Variants in SUSD5 observed in about 807,000 individuals in gnomAD.
SUSD5 encodes the protein sushi domain containing 5.
In SUSD5, 33 loss-of-function variants were observed where a neutral mutation model predicts 29.5. That is an observed-to-expected ratio of 1.12 (90% CI 0.85 to 1.49). The LOEUF (loss-of-function observed/expected upper bound fraction) is 1.49. Among genes scored for constraint, SUSD5 ranks in the 40% most tolerant of loss-of-function variants. SUSD5 has a pLI of 0.00. For synonymous variants in SUSD5, 308 were observed against 325.3 expected, an observed-to-expected ratio of 0.95 and a Z score of 0.57; for missense variants, 776 against 800.6, an observed-to-expected ratio of 0.97 and a Z score of 0.37.
intron 3 of SUSD5, among the ~76,000 whole-genome samples, chr3:33,181,509 A>T (rs1027582408): frequency 6.6e-6 from 1 of 151,876 alleles, no homozygotes; most frequent in Non-Finnish European, 1.5e-5. Flanking sequence ...TGTAGCTGAG[A>T]CCAAGAGCAC....
intron 2 of SUSD5, among the ~76,000 whole-genome samples, chr3:33,209,249 G>C (rs2032277863): frequency 6.6e-6 from 1 of 152,138 alleles, no homozygotes. Context: ...GTCTTACCAT[G>C]ATGTGCCTAG....
chr3:33,157,512 C>CA (rs2031081634), intron 4 of SUSD5, among the ~76,000 whole-genome samples: 3 of 152,164 alleles, frequency 2.0e-5, no homozygotes, highest in African/African-American at 7.2e-5. Flanking sequence ...TGCTTGTGCA[C>CA]ATGTGTGTAC....
intron 4 of SUSD5, among the ~76,000 whole-genome samples, chr3:33,157,052 G>A (rs1306441480): frequency 2.0e-5 from 3 of 152,190 alleles, no homozygotes; most frequent in Admixed American, 6.5e-5. Flanking sequence ...CCATTCTAAT[G>A]AGCCTTGTAG....
chr3:33,202,874 C>T, intron 3 of SUSD5, among the ~76,000 whole-genome samples: 1 of 149,876 alleles, frequency 6.7e-6, no homozygotes, highest in East Asian at 2.0e-4. Flanking sequence ...GCTGCCTGAA[C>T]ATTCCACAGG....
Position 33,218,695 on chromosome 3 carries a change from G to A in SUSD5, c.103C>T (p.Arg35Trp). 4 of 1,309,624 alleles carry A rather than the reference G, an allele frequency of 3.1e-6. No homozygotes were observed. The highest frequency in any genetic ancestry group is 1.5e-5 in the African/African-American group (1 of 64,936). 81.1% of individuals were successfully genotyped at this position (1,309,624 alleles called of 1,614,324 possible). The change falls in exon 1 of 5, where the codon CGG (arginine) becomes TGG (tryptophan). Residue 35 changes from arginine to tryptophan, a missense_variant. Physicochemically the swap from Arg to Trp is moderately radical, Grantham distance 101. Coordinates refer to ENST00000309558, the MANE Select transcript of SUSD5 (RefSeq NM_015551.2). Reference protein sequence around the residue: ...LLLGLPRLSVRADGKFFVLES... With the variant: ...LLLGLPRLSVWADGKFFVLES... Reference sequence around the variant, plus strand: ...CCTCCCGCACACTCACCATCCGCCCGCACCGAAAGGCGCGGCAGACCGAGC... The same window carrying A: ...CCTCCCGCACACTCACCATCCGCCCACACCGAAAGGCGCGGCAGACCGAGC...
chr3:33,184,848 T>C (rs1045115946), intron 3 of SUSD5, among the ~76,000 whole-genome samples: 2 of 152,244 alleles, frequency 1.3e-5, no homozygotes, highest in African/African-American at 2.4e-5. Context: ...ATAGTTATCA[T>C]AGCATTTTAA....
intron 3 of SUSD5, among the ~76,000 whole-genome samples, chr3:33,186,078 C>T (rs912065171): frequency 6.6e-6 from 1 of 152,178 alleles, no homozygotes; most frequent in Non-Finnish European, 1.5e-5. Flanking sequence ...CCAAGGCGGG[C>T]GGATCATGAG....
intron 1 of SUSD5, among the ~76,000 whole-genome samples, chr3:33,217,069 G>A (rs938106130): frequency 1.3e-5 from 2 of 152,116 alleles, no homozygotes; most frequent in Non-Finnish European, 2.9e-5. Flanking sequence ...AATTTTCTAT[G>A]ACCCGTATCA....
At chr3:33,184,454 G>A (rs1297224674) in intron 3 of SUSD5, among the ~76,000 whole-genome samples, 1 of 152,138 alleles carries the variant, frequency 6.6e-6, no homozygotes, top group African/African-American at 2.4e-5. Flanking sequence ...CCAGATCTGT[G>A]GTTGGTTGTC....
intron 3 of SUSD5, among the ~76,000 whole-genome samples, chr3:33,206,070 T>C (rs1192108637): frequency 6.6e-6 from 1 of 152,180 alleles, no homozygotes; most frequent in Non-Finnish European, 1.5e-5. Flanking sequence ...TGTTTATGTT[T>C]AGAATTTAAA....
intron 3 of SUSD5, among the ~76,000 whole-genome samples, chr3:33,205,558 T>C (rs879847518): frequency 7.2e-5 from 11 of 152,348 alleles, no homozygotes; most frequent in Non-Finnish European, 1.0e-4. Context: ...TTGACTTTGG[T>C]GTCCTATAGG....
chr3:33,181,651 G>A (rs1315921675), intron 3 of SUSD5, among the ~76,000 whole-genome samples: 1 of 152,110 alleles, frequency 6.6e-6, no homozygotes, highest in Non-Finnish European at 1.5e-5. Flanking sequence ...GGGATCACAG[G>A]CATGAGTTAC....
At position 33,174,868 on chromosome 3, in the gene SUSD5, C is replaced by G; in HGVS notation, c.598+18G>C. 5.6e-6 allele frequency: 9 copies of G among 1,611,508 alleles called. No individual in the cohort carries two copies. The highest frequency in any genetic ancestry group is 6.8e-6 in the Non-Finnish European group (8 of 1,178,006). On this transcript the variant is annotated intron_variant, in intron 4 of 4. Transcript: ENST00000309558. ...ACTGCGTGGGCACGCGAAGGTGGCC[C>G]ATCCCTGGGCTGCTTACCTTTCCCA...
At chr3:33,155,774 A>G (rs1287610192) in intron 4 of SUSD5, among the ~76,000 whole-genome samples, 1 of 152,228 alleles carries the variant, frequency 6.6e-6, no homozygotes, top group Admixed American at 6.5e-5. Flanking sequence ...GCCAGGCACA[A>G]AAGTGCACAC....
intron 3 of SUSD5, among the ~76,000 whole-genome samples, chr3:33,183,115 T>G (rs576619452): frequency 5.3e-5 from 8 of 152,224 alleles, no homozygotes; most frequent in Non-Finnish European, 1.0e-4. Context: ...TTTATCTATA[T>G]GTGTCTTTAT....
chr3:33,189,409 G>A (rs1329301735), intron 3 of SUSD5, among the ~76,000 whole-genome samples: 1 of 151,042 alleles, frequency 6.6e-6, no homozygotes, highest in African/African-American at 2.4e-5. Context: ...CCCGGGAGGC[G>A]GAGGTTGCAG....
rs961029827 is a variant in SUSD5, at chr3:33,189,528, C to T, written c.410-14454G>A. Among the ~76,000 whole-genome samples the T allele has an allele frequency of 3.0e-4, 44 of 149,062 alleles. 1 individual carries two copies. Among genetic ancestry groups the T allele is most frequent in the Non-Finnish European group, 1.9e-4 (13 of 67,486 alleles). On this transcript the variant is annotated intron_variant, in intron 3 of 4. Transcript: ENST00000309558. ...ATTCTAGAATGAAATGATATAATGT[C>T]CTGGATTTGCTTTAAAATATCTCAA...
At chr3:33,193,307 G>C (rs2031933799) in intron 3 of SUSD5, among the ~76,000 whole-genome samples, 1 of 152,202 alleles carries the variant, frequency 6.6e-6, no homozygotes. Flanking sequence ...CTGGAGACTG[G>C]AGGACCAGTG....
At chr3:33,184,144 T>C (rs767317083) in intron 3 of SUSD5, among the ~76,000 whole-genome samples, 62 of 151,910 alleles carry the variant, frequency 4.1e-4, no homozygotes, top group Non-Finnish European at 1.9e-4. Context: ...TTCACCATGT[T>C]GGCCAGGCAG....
Sources: allele counts gnomAD v4.1 joint callset (sites outside exome capture counted in the v4.1 genomes callset), GRCh38; gene constraint gnomAD v4.1.1; transcripts MANE v1.5; gene names NCBI Gene and HGNC (gene_info 2026-07-23, HGNC 2026-07-21).